The following VPS35L variants were observed in gnomAD, a reference collection of about 807,000 sequenced individuals.
VPS35L encodes VPS35 endosomal protein-sorting factor-like.
A neutral mutation model predicts 133.0 loss-of-function variants in VPS35L; 83 were observed. The observed-to-expected ratio is 0.62, with a 90% confidence interval of 0.52 to 0.75. The LOEUF is 0.75. Among genes scored for constraint, VPS35L ranks in the 30% least tolerant of loss-of-function variants. The pLI, the probability that VPS35L is intolerant of heterozygous loss-of-function variation, is 0.00. For missense variants in VPS35L, 1,083 were observed against 1,206.8 expected (o/e 0.90, Z 1.52); for synonymous variants, 423 against 449.9 (o/e 0.94, Z 0.76).
At position 19,662,493 on chromosome 16, in the gene VPS35L, G is replaced by A. The variant is rs9925133; in HGVS notation, c.2222-6667G>A. ...ACTACAGCATTGGCCTCCATAAGCC[G>A]GCAAAGTTCGCATTTATTTAGTACA... On this transcript the variant is annotated intron_variant, in intron 26 of 30. Transcript: ENST00000417362. Among the ~76,000 whole-genome samples the A allele has an allele frequency of 8.2e-3, 1,249 of 152,276 alleles. 18 individuals carry two copies. The highest frequency in any genetic ancestry group is 0.028 in the African/African-American group (1,165 of 41,538).
At chr16:19,582,545 C>G (rs1597327106) in intron 7 of VPS35L, among the ~76,000 whole-genome samples, 1 of 152,286 alleles carries the variant, frequency 6.6e-6, no homozygotes, top group South Asian at 2.1e-4. Context: ...ACGCCCGTTT[C>G]TCTTCAATCA....
intron 19 of VPS35L, among the ~76,000 whole-genome samples, chr16:19,634,156 A>G (rs1973548944): frequency 6.6e-6 from 1 of 152,030 alleles, no homozygotes; most frequent in Non-Finnish European, 1.5e-5. Flanking sequence ...TTTTGCTTCT[A>G]AAGAGTTCAG....
In VPS35L at chr16:19,584,670, T is replaced by G. The variant is rs144476342; in HGVS notation, c.639+3017T>G. Among the ~76,000 whole-genome samples the G allele has an allele frequency of 5.2e-3, 787 of 151,460 alleles. 3 individuals are homozygous for G. Among genetic ancestry groups the G allele is most frequent in the African/African-American group, 0.018 (729 of 41,270 alleles). On this transcript the variant is annotated intron_variant, in intron 7 of 30. Transcript: ENST00000417362. ...GAGTTTCCTTTTCTCTGTATTCTTA[T>G]CAGCATTTTTTTTCTTTCTTTTTGT... is the stretch of plus-strand genomic sequence containing the variant.
chr16:19,648,447 A>C (rs1272008636), intron 24 of VPS35L, among the ~76,000 whole-genome samples: 2 of 152,182 alleles, frequency 1.3e-5, no homozygotes, highest in East Asian at 3.8e-4. Context: ...AGTTACAGAA[A>C]TCTAACCAGA....
chr16:19,571,663 G>A (rs890958993), intron 3 of VPS35L, among the ~76,000 whole-genome samples: 1 of 151,964 alleles, frequency 6.6e-6, no homozygotes, highest in East Asian at 1.9e-4. Context: ...TCCTGCCTCA[G>A]CCTACCTAGT....
chr16:19,613,729 G>T (rs935105342), intron 12 of VPS35L, among the ~76,000 whole-genome samples: 1 of 152,168 alleles, frequency 6.6e-6, no homozygotes, highest in African/African-American at 2.4e-5. Flanking sequence ...TCTGGGGTTG[G>T]TGTCTGGGTA....
At chr16:19,644,145 A>G (rs150401037) in intron 22 of VPS35L, among the ~76,000 whole-genome samples, 521 of 152,100 alleles carry the variant, frequency 3.4e-3, no homozygotes, top group African/African-American at 0.012. Context: ...CCAAATAACT[A>G]TTTATTTAAC....
At chr16:19,636,038 T>A (rs931312426) in intron 19 of VPS35L, among the ~76,000 whole-genome samples, 1 of 151,536 alleles carries the variant, frequency 6.6e-6, no homozygotes, top group African/African-American at 2.4e-5. Flanking sequence ...ATATAAAAAT[T>A]AGATGGGTGT....
intron 26 of VPS35L, among the ~76,000 whole-genome samples, chr16:19,661,308 G>A (rs1175602172): frequency 1.3e-5 from 2 of 151,838 alleles, no homozygotes; most frequent in Admixed American, 1.3e-4. Flanking sequence ...AAAAATATAT[G>A]AACTCTTTGC....
At chr16:19,555,896 C>T in intron 1 of VPS35L, 150 bp downstream of exon 1, 1 of 1,185,422 alleles carries the variant, frequency 8.4e-7, no homozygotes, top group Non-Finnish European at 1.1e-6. Flanking sequence ...AATCCCTGGC[C>T]GCTACCGCGG....
At chr16:19,590,052 G>A (rs115615597) in intron 7 of VPS35L, among the ~76,000 whole-genome samples, 2,692 of 151,860 alleles carry the variant, frequency 0.018, 92 homozygotes, top group African/African-American at 0.063. Context: ...ATCGCAGAGC[G>A]AGGTGTCAGG....
At chr16:19,567,592 C>T (rs940393383) in intron 2 of VPS35L, among the ~76,000 whole-genome samples, 4 of 152,108 alleles carry the variant, frequency 2.6e-5, no homozygotes, top group Non-Finnish European at 4.4e-5. Context: ...CTCTCCCTCC[C>T]CTAGACTGCA....
chr16:19,693,413 G>A (rs1975772362), intron 29 of VPS35L, among the ~76,000 whole-genome samples: 1 of 152,080 alleles, frequency 6.6e-6, no homozygotes, highest in Non-Finnish European at 1.5e-5. Flanking sequence ...GGCCCAGGTG[G>A]GAGGATTAGT....
At position 19,642,446 on chromosome 16, in the gene VPS35L, A is replaced by G. The variant is rs897570872; in HGVS notation, c.1835A>G (p.His612Arg). ...CCGGTCATCTTGAATGCCCTTTTGC[A>G]TGTTTGCAAGACCATGCATGACTCT... ...KDPVILNALL[H>R]VCKTMHDSVN... Residue 612 changes from histidine to arginine, a missense_variant, in exon 22 of 31, where the codon CAT (histidine) becomes CGT (arginine). His to Arg is a conservative substitution (Grantham distance 29, BLOSUM62 0). Transcript: ENST00000417362. The G allele has an allele frequency of 1.2e-6, 2 of 1,614,018 alleles. No individual in the cohort carries two copies. The highest frequency in any genetic ancestry group is 1.7e-6 in the Non-Finnish European group (2 of 1,179,910).
intron 26 of VPS35L, among the ~76,000 whole-genome samples, chr16:19,654,976 C>T (rs1250595070): frequency 1.3e-5 from 2 of 152,120 alleles, no homozygotes; most frequent in Non-Finnish European, 2.9e-5. Flanking sequence ...AAATTCTCTA[C>T]CTGGATAAAG....
chr16:19,581,403 C>T, intron 6 of VPS35L, 122 bp from the exon 7 acceptor site: 1 of 1,153,062 alleles, frequency 8.7e-7, no homozygotes, highest in Non-Finnish European at 1.2e-6. Flanking sequence ...GCTGTCAATC[C>T]TGGCGGGGAT....
chr16:19,619,047 C>T (rs890308417), intron 14 of VPS35L, among the ~76,000 whole-genome samples: 1 of 151,828 alleles, frequency 6.6e-6, no homozygotes, highest in African/African-American at 2.4e-5. Context: ...TCTCATGCCT[C>T]AACCTCATGA....
chr16:19,578,469 G>A (rs1463974215), intron 5 of VPS35L: 2 of 368,430 alleles, frequency 5.4e-6, no homozygotes, highest in African/African-American at 2.1e-5. Flanking sequence ...TAGATGCATC[G>A]CCCTGCCTTG....
intron 8 of VPS35L, among the ~76,000 whole-genome samples, chr16:19,600,900 G>A (rs937120481): frequency 1.2e-4 from 19 of 152,100 alleles, no homozygotes; most frequent in Admixed American, 2.0e-4. Context: ...AGAAAATATG[G>A]CATGTGAGTT....
Sources: gnomAD v4.1 joint callset for allele counts (sites outside exome capture counted in the v4.1 genomes callset) on GRCh38, gnomAD v4.1.1 for gene constraint, MANE v1.5 for transcripts, NCBI Gene and HGNC (gene_info 2026-07-23, HGNC 2026-07-21) for gene names.